Variants in SVOP observed in about 807,000 individuals in gnomAD.
The protein encoded by SVOP is synaptic vesicle 2-related protein.
A neutral mutation model predicts 69.1 loss-of-function variants in SVOP; 17 were observed. That is an observed-to-expected ratio of 0.25 (90% CI 0.17 to 0.37). The LOEUF is 0.37. Among genes scored for constraint, SVOP ranks in the 10% least tolerant of loss-of-function variants. SVOP has a pLI of 1.00. For missense variants in SVOP, 435 were observed against 597.5 expected (o/e 0.73, Z 2.84); for synonymous variants, 238 against 238.6 (o/e 1.00, Z 0.02).
intron 1 of SVOP, among the ~76,000 whole-genome samples, chr12:108,998,954 C>A (rs1458167331): frequency 6.7e-6 from 1 of 148,842 alleles, no homozygotes; most frequent in Non-Finnish European, 1.5e-5. Flanking sequence ...CAAATTCACA[C>A]ATAACAATAT....
chr12:108,932,266 C>T (rs925295473), intron 11 of SVOP, among the ~76,000 whole-genome samples: 2 of 152,104 alleles, frequency 1.3e-5, no homozygotes, highest in Non-Finnish European at 2.9e-5. Flanking sequence ...ATCCTCCTGC[C>T]TCTTCCTCCC....
At chr12:108,989,794 T>C (rs1189095675) in intron 1 of SVOP, among the ~76,000 whole-genome samples, 1 of 152,194 alleles carries the variant, frequency 6.6e-6, no homozygotes, top group Non-Finnish European at 1.5e-5. Context: ...ACAAATTAAT[T>C]GTAAAGCACG....
chr12:109,018,750 G>T (rs1288099152), intron 1 of SVOP, among the ~76,000 whole-genome samples: 6 of 152,228 alleles, frequency 3.9e-5, no homozygotes, highest in African/African-American at 1.4e-4. Flanking sequence ...TTAAGATTTT[G>T]AGGGAGTCCA....
chr12:108,980,587 G>A (rs902142775), intron 2 of SVOP, among the ~76,000 whole-genome samples: 709 of 70,080 alleles, frequency 0.01, 23 homozygotes, highest in African/African-American at 0.046. Context: ...CGTCTCTACT[G>A]AAAATACAAA....
chr12:108,952,515 C>A (rs559639958), intron 6 of SVOP, among the ~76,000 whole-genome samples: 2 of 152,054 alleles, frequency 1.3e-5, no homozygotes, highest in African/African-American at 4.8e-5. Flanking sequence ...GAATTACAGG[C>A]ATAAGCAACT....
At chr12:108,917,240 A>G (rs1396451629) in intron 14 of SVOP, among the ~76,000 whole-genome samples, 1 of 152,246 alleles carries the variant, frequency 6.6e-6, no homozygotes, top group African/African-American at 2.4e-5. Flanking sequence ...ATTTTTATGT[A>G]TATTCCTCTA....
intron 5 of SVOP, 145 bp downstream of exon 5, chr12:108,972,260 C>A (rs1249845909): frequency 2.7e-6 from 2 of 744,480 alleles, no homozygotes; most frequent in Non-Finnish European, 4.5e-6. Flanking sequence ...TCCACAGCAG[C>A]CTTACAGCAA....
intron 1 of SVOP, among the ~76,000 whole-genome samples, chr12:109,014,714 A>AT (rs374976148): frequency 9.2e-5 from 14 of 151,942 alleles, no homozygotes; most frequent in African/African-American, 2.2e-4. Context: ...TTATTTTCTG[A>AT]TTTTTTTGGT....
At chr12:108,925,094 T>C (rs957582432) in intron 11 of SVOP, among the ~76,000 whole-genome samples, 1 of 152,192 alleles carries the variant, frequency 6.6e-6, no homozygotes, top group African/African-American at 2.4e-5. Context: ...GATATCCCAA[T>C]TTCAGGGTCC....
intron 7 of SVOP, 136 bp downstream of exon 7, chr12:108,944,967 C>T: frequency 2.7e-6 from 2 of 732,276 alleles, no homozygotes; most frequent in East Asian, 2.8e-5. Flanking sequence ...GTAACTGATC[C>T]TTTTACGTCT....
rs1187284284 is a variant in SVOP, at chr12:108,912,584, C to G, written c.1598G>C (p.Gly533Ala). Residue 533 changes from glycine to alanine, a missense_variant, in exon 16 of 16, where the codon GGA becomes GCA. Physicochemically the swap from Gly to Ala is moderately conservative, Grantham distance 60. Transcript: ENST00000610966. ...CCTGGTAACACCTGCACCGTGCATTCCTCGGCCGACCATCTCCTGGCCCCA... is the reference window on the plus strand; with the variant it reads ...CCTGGTAACACCTGCACCGTGCATTGCTCGGCCGACCATCTCCTGGCCCCA... ...REWGQEMVGR[G>A]MHGAGVTRSN... The G allele has an allele frequency of 6.2e-7, 1 of 1,613,762 alleles. No homozygotes were observed. The highest frequency in any genetic ancestry group is 8.5e-7 in the Non-Finnish European group (1 of 1,179,828).
At chr12:108,985,618 G>A (rs1256855724) in intron 1 of SVOP, among the ~76,000 whole-genome samples, 3 of 152,144 alleles carry the variant, frequency 2.0e-5, no homozygotes, top group African/African-American at 7.2e-5. Flanking sequence ...GTTGCAGTGA[G>A]CCAAGATTGC....
At chr12:108,934,163 A>T in intron 11 of SVOP, 32 bp downstream of exon 11, 1 of 1,569,280 alleles carries the variant, frequency 6.4e-7, no homozygotes, top group Non-Finnish European at 8.7e-7. Flanking sequence ...GTGTGGGAGT[A>T]GTTAGCTGGC....
At chr12:109,016,058 G>T (rs1262344303) in intron 1 of SVOP, among the ~76,000 whole-genome samples, 1 of 152,178 alleles carries the variant, frequency 6.6e-6, no homozygotes, top group African/African-American at 2.4e-5. Flanking sequence ...TCAGGGAAAC[G>T]AATGCTGAGT....
intron 1 of SVOP, among the ~76,000 whole-genome samples, chr12:109,018,105 G>GAATGAATGA (rs1566070595): frequency 0.12 from 13,465 of 110,644 alleles, 794 homozygotes; most frequent in East Asian, 0.22. Flanking sequence ...AGAATGGATG[G>GAATGAATGA]ATGAATGAAT....
At chr12:108,935,901 T>G (rs1287838355) in intron 10 of SVOP, among the ~76,000 whole-genome samples, 8 of 152,110 alleles carry the variant, frequency 5.3e-5, no homozygotes, top group Non-Finnish European at 4.4e-5. Flanking sequence ...GGATCAGAAC[T>G]GGAACTTAAA....
chr12:108,918,027 C>A lies in SVOP; in HGVS notation c.1350+16G>T. On this transcript the variant is annotated intron_variant, in intron 14 of 15. Transcript: ENST00000610966. Reference sequence around the variant, plus strand: ...CCACTGCCCGTTCCCCAGCAGCTCCCAGACACCCCTCCTACCTCAGGTGTG... The same window carrying A: ...CCACTGCCCGTTCCCCAGCAGCTCCAAGACACCCCTCCTACCTCAGGTGTG... 1 of 1,555,264 alleles carries A rather than the reference C, an allele frequency of 6.4e-7. No individual in the cohort carries two copies. Among genetic ancestry groups the A allele is most frequent in the East Asian group, 2.4e-5 (1 of 41,990 alleles).
At chr12:108,945,840 A>G (rs2039919334) in intron 6 of SVOP, among the ~76,000 whole-genome samples, 1 of 152,178 alleles carries the variant, frequency 6.6e-6, no homozygotes, top group Non-Finnish European at 1.5e-5. Flanking sequence ...AATCTGTCCC[A>G]TCACTGGTGA....
In SVOP at chr12:108,915,849, G is replaced by A. The variant is rs892366122; in HGVS notation, c.1374C>T (p.Ala458=). 6.2e-7 allele frequency: 1 copy of A among 1,607,918 alleles called. No homozygotes were observed. The highest frequency in any genetic ancestry group is 1.3e-5 in the African/African-American group (1 of 74,732). Residue 458 remains alanine (A), a synonymous_variant, in exon 15 of 16, where the codon GCC becomes GCT. Coordinates refer to ENST00000610966, the MANE Select transcript of SVOP (RefSeq NM_018711.5). The stretch of plus-strand genomic sequence containing the variant: ...TGCCGCTGCAGGTGCCCAGGCCGAG[G>A]GCCCGCGTTGCCGTGGGGTAGACCT... ...TPEVYPTATR[A]LGLGTCSGMA...
Sources: allele counts gnomAD v4.1 joint callset (sites outside exome capture counted in the v4.1 genomes callset), GRCh38; gene constraint gnomAD v4.1.1; transcripts MANE v1.5; gene names NCBI Gene and HGNC (gene_info 2026-07-23, HGNC 2026-07-21).